Variants in ARHGAP26 observed in about 807,000 individuals in gnomAD.
The protein encoded by ARHGAP26 is Rho GTPase activating protein 26.
Under a neutral mutation model 104.8 loss-of-function variants are expected in ARHGAP26, and 38 were observed. The observed-to-expected ratio is 0.36, with a 90% CI of 0.28 to 0.48. ARHGAP26 has a LOEUF of 0.48. Ranked by LOEUF, ARHGAP26 falls within the 20% of genes least tolerant of loss-of-function variation. The probability of loss-of-function intolerance (pLI) is 0.99; values close to 1 mark genes in which losing one functional copy is unlikely to be tolerated. For synonymous variants in ARHGAP26, 341 were observed against 340.0 expected (o/e 1.00, Z -0.03); for missense variants, 704 against 947.9 (o/e 0.74, Z 3.38).
chr5:143,139,680 A>AGCCACTG (rs1235365744), intron 19 of ARHGAP26, among the ~76,000 whole-genome samples: 9 of 152,204 alleles, frequency 5.9e-5, no homozygotes, highest in Non-Finnish European at 1.5e-5. Flanking sequence ...TGCTCGGCCA[A>AGCCACTG]GCCACTCACG....
At chr5:142,880,718 C>T in intron 4 of ARHGAP26, among the ~76,000 whole-genome samples, 1 of 148,042 alleles carries the variant, frequency 6.8e-6, no homozygotes, top group African/African-American at 2.7e-5. Context: ...GCAACACCAC[C>T]CTCTTACTTT....
intron 3 of ARHGAP26, among the ~76,000 whole-genome samples, chr5:142,876,631 G>T (rs777562799): frequency 1.5e-4 from 22 of 150,802 alleles, no homozygotes; most frequent in Non-Finnish European, 3.0e-4. Flanking sequence ...TTTTTTTTAA[G>T]AAGACTGGCA....
chr5:142,899,440 A>G (rs773893863), intron 6 of ARHGAP26, among the ~76,000 whole-genome samples: 1 of 152,222 alleles, frequency 6.6e-6, no homozygotes, highest in Non-Finnish European at 1.5e-5. Flanking sequence ...TTATTCTTTT[A>G]GGATAACAAG....
intron 20 of ARHGAP26, among the ~76,000 whole-genome samples, chr5:143,178,404 G>A (rs1165564776): frequency 2.0e-5 from 3 of 152,212 alleles, no homozygotes; most frequent in African/African-American, 4.8e-5. Context: ...GGAGCATTGT[G>A]TTCATTGTAT....
chr5:143,220,848 T>G (rs1811039056), intron 22 of ARHGAP26, among the ~76,000 whole-genome samples: 1 of 152,062 alleles, frequency 6.6e-6, no homozygotes, highest in Non-Finnish European at 1.5e-5. Context: ...CTGATTCTTT[T>G]GCTGCCTCCC....
chr5:143,087,901 G>A (rs1299030950), intron 17 of ARHGAP26, among the ~76,000 whole-genome samples: 2 of 150,822 alleles, frequency 1.3e-5, no homozygotes, highest in African/African-American at 2.4e-5. Flanking sequence ...CACCCGCCTC[G>A]GCCTCCCAAA....
In ARHGAP26 at chr5:142,849,930, C is replaced by T. The variant is rs535169829; in HGVS notation, c.155-23470C>T. 1.1e-4 allele frequency among the ~76,000 whole-genome samples: 16 copies of T among 152,260 alleles called. No homozygotes were observed. In the South Asian group the frequency reaches 3.1e-3, roughly 30 times the overall value. ...TCACCCAGTTAGTCCCCAAACCCCA[C>T]GGGTGTTCTTCTGCACACACTCTTC... On this transcript the variant is annotated intron_variant, in intron 1 of 22. Transcript: ENST00000645722.
At chr5:142,799,041 T>G (rs1343392442) in intron 1 of ARHGAP26, among the ~76,000 whole-genome samples, 1 of 152,150 alleles carries the variant, frequency 6.6e-6, no homozygotes, top group African/African-American at 2.4e-5. Flanking sequence ...CTGGTATACC[T>G]CGAAGAGATA....
intron 20 of ARHGAP26, among the ~76,000 whole-genome samples, chr5:143,156,763 G>A (rs919268848): frequency 3.3e-5 from 5 of 152,176 alleles, no homozygotes; most frequent in African/African-American, 1.2e-4. Context: ...GCTTAACTGA[G>A]CTCTGCCCGT....
At chr5:143,088,784 G>A (rs537387177) in intron 17 of ARHGAP26, among the ~76,000 whole-genome samples, 4 of 152,304 alleles carry the variant, frequency 2.6e-5, no homozygotes, top group South Asian at 2.1e-4. Context: ...CCGCTGTGTC[G>A]TTCCCCTATT....
chr5:142,860,157 T>G (rs1753079573), intron 1 of ARHGAP26: 1 of 152,106 alleles, frequency 6.6e-6, no homozygotes, highest in Admixed American at 6.5e-5. Flanking sequence ...TCGCACTGGA[T>G]CTCACTTGCA....
chr5:143,044,305 C>A (rs564755817), intron 14 of ARHGAP26, among the ~76,000 whole-genome samples: 6 of 152,262 alleles, frequency 3.9e-5, no homozygotes, highest in African/African-American at 1.4e-4. Context: ...CCCCTTCCTT[C>A]TTCTGGCTTC....
At chr5:142,874,013 C>G (rs1290236168) in intron 2 of ARHGAP26, among the ~76,000 whole-genome samples, 2 of 152,212 alleles carry the variant, frequency 1.3e-5, no homozygotes, top group Non-Finnish European at 2.9e-5. Flanking sequence ...TACTGGCTCC[C>G]TCTTCTGACC....
intron 20 of ARHGAP26, among the ~76,000 whole-genome samples, chr5:143,174,186 G>T (rs897206270): frequency 6.6e-6 from 1 of 152,176 alleles, no homozygotes; most frequent in Non-Finnish European, 1.5e-5. Context: ...ATAAAAGATA[G>T]GTAACAATCT....
intron 3 of ARHGAP26, 76 bp downstream of exon 3, chr5:142,875,247 A>G: frequency 7.1e-7 from 1 of 1,403,624 alleles, no homozygotes. Flanking sequence ...TATCAGAAGA[A>G]CTAGATTCAA....
intron 11 of ARHGAP26, among the ~76,000 whole-genome samples, chr5:143,003,691 T>C (rs1777511195): frequency 6.6e-6 from 1 of 152,086 alleles, no homozygotes; most frequent in South Asian, 2.1e-4. Flanking sequence ...TTAGGAAATA[T>C]TTGTGGAGTA....
chr5:142,923,966 G>A (rs1237668630), intron 10 of ARHGAP26, among the ~76,000 whole-genome samples: 10 of 147,622 alleles, frequency 6.8e-5, no homozygotes, highest in African/African-American at 2.5e-4. Flanking sequence ...GGTTCGTGCC[G>A]TTCTCCTGCC....
chr5:142,930,927 G>A (rs6889385), intron 10 of ARHGAP26, among the ~76,000 whole-genome samples: 249 of 152,310 alleles, frequency 1.6e-3, no homozygotes, highest in African/African-American at 5.4e-3. Context: ...GGGTGCATAT[G>A]GGGCCCAGGC....
At chr5:142,859,760 A>G (rs977714864) in intron 1 of ARHGAP26, 6 of 152,270 alleles carry the variant, frequency 3.9e-5, no homozygotes, top group African/African-American at 1.2e-4. Context: ...GAAAGGAACT[A>G]TGGGTTGCCC....
Sources: gnomAD v4.1 joint callset for allele counts (sites outside exome capture counted in the v4.1 genomes callset) on GRCh38, gnomAD v4.1.1 for gene constraint, MANE v1.5 for transcripts, NCBI Gene and HGNC (gene_info 2026-07-23, HGNC 2026-07-21) for gene names.